CALM2: variants seen among roughly 807,000 people sequenced by gnomAD.
CALM2 encodes calmodulin 2.
A neutral mutation model predicts 19.8 loss-of-function variants in CALM2; 2 were observed. The ratio of observed to expected loss-of-function variants is 0.10; its 90% CI spans 0.04 to 0.32. CALM2 has a LOEUF of 0.32. CALM2 is among the 10% of genes least tolerant of loss of function. The probability of loss-of-function intolerance (pLI) is 1.00; values close to 1 mark genes in which losing one functional copy is unlikely to be tolerated. For missense variants in CALM2, 38 were observed against 178.7 expected (o/e 0.21, Z 4.49); for synonymous variants, 51 against 52.1 (o/e 0.98, Z 0.09).
Position 47,166,703 on chromosome 2 carries a change from C to G in CALM2, c.34+4031G>C, listed in dbSNP as rs376300929. Among the ~76,000 whole-genome samples, 5 of 152,134 alleles carry G rather than the reference C, an allele frequency of 3.3e-5. No homozygotes were observed. In the East Asian group the frequency reaches 7.7e-4, roughly 23 times the overall value. On this transcript the variant is annotated intron_variant, in intron 2 of 5. Coordinates refer to ENST00000272298, the MANE Select transcript of CALM2 (RefSeq NM_001743.6). ...TTAATTCACCTGCCTTTACAGTTTTCCTGTACTTCAGAACTAGCGTAATCT... is the reference window on the plus strand; with the variant it reads ...TTAATTCACCTGCCTTTACAGTTTTGCTGTACTTCAGAACTAGCGTAATCT...
intron 5 of CALM2, 104 bp from the exon 6 acceptor site, chr2:47,160,908 T>G (rs2103821934): frequency 4.8e-6 from 3 of 627,428 alleles, no homozygotes; most frequent in East Asian, 2.9e-5. Context: ...ACTCTTTCCA[T>G]TCCTCTCTTT....
chr2:47,160,687 G>A lies in CALM2; in HGVS notation c.*89C>T. 1.4e-6 allele frequency: 1 copy of A among 695,844 alleles called. No homozygotes were observed. Among genetic ancestry groups the A allele is most frequent in the Non-Finnish European group, 2.4e-6 (1 of 424,814 alleles). The allele number at this position is 695,844 out of a possible 1,614,324, so 43.1% of individuals were successfully genotyped here. On this transcript the variant is annotated 3_prime_UTR_variant, in exon 6 of 6. Transcript: ENST00000272298. ...TACATGCATATTTTTTTGACAGTAGGGAGAAACCTTTTACAGATAAGTTAC... is the reference window on the plus strand; with the variant it reads ...TACATGCATATTTTTTTGACAGTAGAGAGAAACCTTTTACAGATAAGTTAC...
Position 47,162,682 on chromosome 2 carries a change from CA to C in CALM2, c.35-21del, listed in dbSNP as rs1203317100. 1 of 1,563,772 alleles carries C rather than the reference CA, an allele frequency of 6.4e-7. No homozygotes were observed. The highest frequency in any genetic ancestry group is 8.7e-7 in the Non-Finnish European group (1 of 1,148,112). On this transcript the variant is annotated intron_variant, in intron 2 of 5. Coordinates refer to ENST00000272298, the MANE Select transcript of CALM2 (RefSeq NM_001743.6). ...TGAATTCTGTTTGAAAGAAAGACCA[CA>C]ATCCAAATACACAGATTAATAATAA...
intron 2 of CALM2, among the ~76,000 whole-genome samples, chr2:47,166,432 G>A (rs1573221202): frequency 6.6e-6 from 1 of 152,152 alleles, no homozygotes. Context: ...GATGCATAGT[G>A]TAAGACTATG....
At chr2:47,170,346 CCT>C (rs1202691419) in intron 2 of CALM2, among the ~76,000 whole-genome samples, 6 of 152,244 alleles carry the variant, frequency 3.9e-5, no homozygotes, top group African/African-American at 1.4e-4. Context: ...TTCAATTGTT[CCT>C]TTTTTGATTC....
chr2:47,165,491 G>C (rs115007173), intron 2 of CALM2, among the ~76,000 whole-genome samples: 1 of 152,234 alleles, frequency 6.6e-6, no homozygotes, highest in African/African-American at 2.4e-5. Flanking sequence ...TCAAGATAAA[G>C]ACTATCTCAT....
At chr2:47,176,400 C>A in intron 1 of CALM2, 41 bp downstream of exon 1, 1 of 1,610,548 alleles carries the variant, frequency 6.2e-7, no homozygotes, top group East Asian at 2.2e-5. Context: ...CAGTCTCTTC[C>A]CCCCACAGGC....
intron 2 of CALM2, among the ~76,000 whole-genome samples, chr2:47,166,936 A>C (rs576158005): frequency 2.6e-5 from 4 of 152,302 alleles, no homozygotes; most frequent in Non-Finnish European, 5.9e-5. Context: ...TCTATTACTC[A>C]AGTTTTATTT....
intron 1 of CALM2, among the ~76,000 whole-genome samples, chr2:47,175,291 C>G (rs945090051): frequency 6.6e-6 from 1 of 152,090 alleles, no homozygotes; most frequent in African/African-American, 2.4e-5. Context: ...AGAAGGGGAG[C>G]AATGTTTTTA....
At position 47,161,180 on chromosome 2, in the gene CALM2, T is replaced by G. The variant is rs150250222; in HGVS notation, c.422-376A>C. On this transcript the variant is annotated intron_variant, in intron 5 of 5. Coordinates refer to ENST00000272298, the MANE Select transcript of CALM2 (RefSeq NM_001743.6). ...TTATGCTCTTTTCTAAGTTAAGTAG[T>G]TACATCATGAAAAAAATACAGAGTT... Among the ~76,000 whole-genome samples, 935 of 152,268 alleles carry G rather than the reference T, an allele frequency of 6.1e-3. 12 individuals carry two copies. The highest frequency in any genetic ancestry group is 0.02 in the African/African-American group (848 of 41,550).
At position 47,160,452 on chromosome 2, in the gene CALM2, T is replaced by C. The variant is rs1687119623; in HGVS notation, c.*324A>G. The C allele has an allele frequency of 9.4e-6, 2 of 212,858 alleles. No homozygotes were observed. Among genetic ancestry groups the C allele is most frequent in the African/African-American group, 2.3e-5 (1 of 43,754 alleles). 13.2% of individuals were successfully genotyped at this position (212,858 alleles called of 1,614,324 possible). On this transcript the variant is annotated 3_prime_UTR_variant, in exon 6 of 6. Coordinates refer to ENST00000272298, the MANE Select transcript of CALM2 (RefSeq NM_001743.6). Reference sequence around the variant, plus strand: ...ACTTCAACAACAACATGCTGACAGTTCCTAAAGAAAACTACTTTAAAAAAG... The same window carrying C: ...ACTTCAACAACAACATGCTGACAGTCCCTAAAGAAAACTACTTTAAAAAAG...
chr2:47,176,526 G>GCC, upstream of CALM2: 1 of 1,586,562 alleles, frequency 6.3e-7, no homozygotes, highest in Non-Finnish European at 8.6e-7. Flanking sequence ...CGCCTCCTCC[G>GCC]CCCCCAGCGC....
At chr2:47,162,857 G>A in intron 2 of CALM2, 195 bp from the exon 3 acceptor site, 3 of 489,974 alleles carry the variant, frequency 6.1e-6, no homozygotes, top group South Asian at 7.2e-5. Context: ...AAATACCAAT[G>A]GAGGTAGCAA....
intron 1 of CALM2, among the ~76,000 whole-genome samples, chr2:47,175,632 G>C (rs1666832653): frequency 6.6e-6 from 1 of 152,082 alleles, no homozygotes; most frequent in African/African-American, 2.4e-5. Context: ...GGCCCAGATG[G>C]AGAAGGAAGA....
chr2:47,174,981 G>A (rs1231553454), intron 1 of CALM2, among the ~76,000 whole-genome samples: 1 of 151,018 alleles, frequency 6.6e-6, no homozygotes, highest in East Asian at 1.9e-4. Context: ...CCTAACTCCT[G>A]TTTAAGATGT....
At chr2:47,164,949 T>C (rs1475786255) in intron 2 of CALM2, among the ~76,000 whole-genome samples, 1 of 152,224 alleles carries the variant, frequency 6.6e-6, no homozygotes, top group Non-Finnish European at 1.5e-5. Context: ...CTTCCACTAA[T>C]TTGCCCATTA....
intron 1 of CALM2, chr2:47,171,425 A>C (rs1666663645): frequency 6.6e-6 from 1 of 152,482 alleles, no homozygotes; most frequent in Admixed American, 6.5e-5. Flanking sequence ...ATCCTTATTC[A>C]ATCTTAATAA....
At chr2:47,172,341 G>T in intron 1 of CALM2, 1 of 452,028 alleles carries the variant, frequency 2.2e-6, no homozygotes, top group South Asian at 1.7e-5. Context: ...CCATTTAATA[G>T]CTGTGTGACC....
At chr2:47,176,614 C>T, upstream of CALM2, 2 of 1,525,494 alleles carry the variant, frequency 1.3e-6, no homozygotes, top group South Asian at 2.4e-5. Flanking sequence ...CCGGCCAACC[C>T]CCTCCCCTCA....
Sources: allele counts gnomAD v4.1 joint callset (sites outside exome capture counted in the v4.1 genomes callset), GRCh38; gene constraint gnomAD v4.1.1; transcripts MANE v1.5; gene names NCBI Gene and HGNC (gene_info 2026-07-23, HGNC 2026-07-21).